CTNNA1: variants seen among roughly 807,000 people sequenced by gnomAD.
CTNNA1 encodes catenin alpha 1.
CTNNA1 carries 37 observed loss-of-function variants against 98.4 expected under a neutral mutation model. That is an observed-to-expected ratio of 0.38 (90% CI 0.29 to 0.49). CTNNA1 has a LOEUF of 0.49. Ranked by LOEUF, CTNNA1 falls within the 20% of genes least tolerant of loss-of-function variation. CTNNA1 has a pLI of 0.95. For synonymous variants in CTNNA1, 404 were observed against 413.2 expected, an observed-to-expected ratio of 0.98 and a Z score of 0.27; for missense variants, 761 against 1,147.2, an observed-to-expected ratio of 0.66 and a Z score of 4.86.
chr5:138,793,743 G>A (rs1279063705), intron 3 of CTNNA1, among the ~76,000 whole-genome samples: 2 of 152,206 alleles, frequency 1.3e-5, no homozygotes, highest in Admixed American at 6.5e-5. Context: ...CAGGAAGTAA[G>A]TGCCTCTCTT....
intron 10 of CTNNA1, among the ~76,000 whole-genome samples, chr5:138,913,638 T>C (rs1381881304): frequency 6.6e-6 from 1 of 152,166 alleles, no homozygotes; most frequent in African/African-American, 2.4e-5. Context: ...TAATTTGCAT[T>C]GGAGTATGTG....
Position 138,814,707 on chromosome 5 carries a change from A to T in CTNNA1, c.588+2405A>T, listed in dbSNP as rs149780892. 1.6e-4 allele frequency among the ~76,000 whole-genome samples: 25 copies of T among 152,320 alleles called. No homozygotes were observed. The East Asian group carries it at 4.8e-3, about 29-fold the overall frequency. On this transcript the variant is annotated intron_variant, in intron 5 of 17. Coordinates refer to ENST00000302763, the MANE Select transcript of CTNNA1 (RefSeq NM_001903.5). Reference sequence around the variant, plus strand: ...AGACAAAATAAACATTAAGATTGCCACTATTGTGCATCATTGCAAAATGGC... The same window carrying T: ...AGACAAAATAAACATTAAGATTGCCTCTATTGTGCATCATTGCAAAATGGC...
At position 138,929,320 on chromosome 5, in the gene CTNNA1, A is replaced by G. The variant is rs372570632; in HGVS notation, c.1974A>G (p.Thr658=). Residue 658 remains threonine (T), a synonymous_variant, in exon 14 of 18, where the codon ACA becomes ACG. Transcript: ENST00000302763. ...TCAGAAGCAGGACGAGCGTCCAGACAGAAGACGATCAGCTGATAGCTGGCC... is the reference window on the plus strand; with the variant it reads ...TCAGAAGCAGGACGAGCGTCCAGACGGAAGACGATCAGCTGATAGCTGGCC... The part of the protein sequence containing the change: ...FDVRSRTSVQ[T]EDDQLIAGQS... The G allele has an allele frequency of 6.2e-6, 10 of 1,611,334 alleles. No homozygotes were observed. Among genetic ancestry groups the G allele is most frequent in the Non-Finnish European group, 8.5e-6 (10 of 1,177,542 alleles).
chr5:138,816,132 C>A (rs1196122609), intron 5 of CTNNA1, among the ~76,000 whole-genome samples: 2 of 152,240 alleles, frequency 1.3e-5, no homozygotes, highest in African/African-American at 4.8e-5. Flanking sequence ...TAAGTGAGAA[C>A]ATGTGGTATT....
intron 3 of CTNNA1, among the ~76,000 whole-genome samples, chr5:138,804,542 G>C (rs1396093393): frequency 1.3e-5 from 2 of 152,162 alleles, no homozygotes; most frequent in African/African-American, 4.8e-5. Context: ...GGCAAATGGC[G>C]ATTTCATATA....
At chr5:138,757,836 AATG>A (rs1379646300) in intron 1 of CTNNA1, among the ~76,000 whole-genome samples, 1 of 152,076 alleles carries the variant, frequency 6.6e-6, no homozygotes, top group Admixed American at 6.6e-5. Context: ...TTGTGGATGG[AATG>A]ATAACAGATG....
At chr5:138,841,181 G>A (rs1441479390) in intron 7 of CTNNA1, among the ~76,000 whole-genome samples, 3 of 152,158 alleles carry the variant, frequency 2.0e-5, no homozygotes, top group Non-Finnish European at 4.4e-5. Flanking sequence ...CATATCTGAT[G>A]ACTGCTAATG....
At chr5:138,901,199 C>A (rs1235033457) in intron 9 of CTNNA1, among the ~76,000 whole-genome samples, 5 of 152,056 alleles carry the variant, frequency 3.3e-5, no homozygotes, top group Non-Finnish European at 7.4e-5. Flanking sequence ...GCTCTGTTGT[C>A]CAGGCTGGAG....
Position 138,934,010 on chromosome 5 carries a change from A to G in CTNNA1, c.2642A>G (p.Lys881Arg), listed in dbSNP as rs1766009252. 6.2e-7 allele frequency: 1 copy of G among 1,614,152 alleles called. No homozygotes were observed. Among genetic ancestry groups the G allele is most frequent in the Non-Finnish European group, 8.5e-7 (1 of 1,180,006 alleles). The part of the protein sequence containing the change: ...KREKQDETQT[K>R]IKRASQKKHV... Reference sequence around the variant, plus strand: ...GAGAAACAGGATGAGACACAGACCAAGATTAAACGGGCATCTCAGAAGAAG... The same window carrying G: ...GAGAAACAGGATGAGACACAGACCAGGATTAAACGGGCATCTCAGAAGAAG... Residue 881 changes from lysine to arginine, a missense_variant, in exon 18 of 18, where the codon AAG becomes AGG. Physicochemically the swap from Lys to Arg is conservative, Grantham distance 26 (BLOSUM62 2). This residue lies in a region of CTNNA1 where 57 missense variants were observed against 90.9 expected (regional missense o/e 0.63). Coordinates refer to ENST00000302763, the MANE Select transcript of CTNNA1 (RefSeq NM_001903.5).
rs773235871 is a variant in CTNNA1, at chr5:138,783,363, C to T, written c.292C>T (p.Arg98Ter). The change falls in exon 3 of 18, where the codon CGA becomes TGA. Residue 98 changes from arginine (R) to a stop codon, truncating the protein, a stop_gained. Coordinates refer to ENST00000302763, the MANE Select transcript of CTNNA1 (RefSeq NM_001903.5). LOFTEE classifies it high-confidence loss of function. ...EELVAAVEDV[R>*]KQGDLMKAAA... is the part of the protein sequence containing the mutation. Reference sequence around the variant, plus strand: ...GCTTGTGGCTGCTGTAGAAGATGTTCGAAAACAAGGTAGGTCATTACTGCT... The same window carrying T: ...GCTTGTGGCTGCTGTAGAAGATGTTTGAAAACAAGGTAGGTCATTACTGCT... 1 of 1,612,358 alleles carries T rather than the reference C, an allele frequency of 6.2e-7. No homozygotes were observed. The highest frequency in any genetic ancestry group is 8.5e-7 in the Non-Finnish European group (1 of 1,178,906).
intron 17 of CTNNA1, among the ~76,000 whole-genome samples, chr5:138,933,570 G>T (rs767110619): frequency 5.3e-5 from 8 of 152,206 alleles, no homozygotes; most frequent in Non-Finnish European, 8.8e-5. Context: ...AGCAAGGCGA[G>T]GTTGCCTCAT....
chr5:138,796,249 G>C (rs1340054620), intron 3 of CTNNA1, among the ~76,000 whole-genome samples: 1 of 152,182 alleles, frequency 6.6e-6, no homozygotes, highest in African/African-American at 2.4e-5. Context: ...AAGACTGAAG[G>C]CTCCTATTGT....
At chr5:138,839,199 A>G (rs899510108) in intron 7 of CTNNA1, among the ~76,000 whole-genome samples, 2 of 152,116 alleles carry the variant, frequency 1.3e-5, no homozygotes, top group Non-Finnish European at 2.9e-5. Context: ...TTTGCACTTG[A>G]CAAATAATAT....
At chr5:138,800,504 G>A (rs1232018270) in intron 3 of CTNNA1, among the ~76,000 whole-genome samples, 1 of 152,092 alleles carries the variant, frequency 6.6e-6, no homozygotes, top group Non-Finnish European at 1.5e-5. Context: ...ATTAAAAAGT[G>A]CAGCAGAAGG....
chr5:138,829,752 G>A (rs1761075872), intron 7 of CTNNA1, among the ~76,000 whole-genome samples: 1 of 152,140 alleles, frequency 6.6e-6, no homozygotes, highest in Non-Finnish European at 1.5e-5. Flanking sequence ...TTATGGTAGG[G>A]ATCTTGAAAG....
chr5:138,828,464 A>G (rs1157642483), intron 7 of CTNNA1, among the ~76,000 whole-genome samples: 2 of 151,392 alleles, frequency 1.3e-5, no homozygotes, highest in East Asian at 1.9e-4. Flanking sequence ...TACTTCTTCT[A>G]TTCTGGTTAT....
intron 11 of CTNNA1, among the ~76,000 whole-genome samples, chr5:138,920,956 C>T (rs752256129): frequency 1.3e-5 from 2 of 151,912 alleles, no homozygotes; most frequent in African/African-American, 4.8e-5. Flanking sequence ...GGCTGTAGGG[C>T]GGGGGGAACT....
At chr5:138,865,920 C>G (rs1207357662) in intron 7 of CTNNA1, among the ~76,000 whole-genome samples, 1 of 152,136 alleles carries the variant, frequency 6.6e-6, no homozygotes, top group East Asian at 1.9e-4. Flanking sequence ...CAGTTGCCCT[C>G]CATGTATTTG....
chr5:138,809,362 T>C (rs544090600), intron 3 of CTNNA1, among the ~76,000 whole-genome samples: 1 of 152,330 alleles, frequency 6.6e-6, no homozygotes, highest in African/African-American at 2.4e-5. Context: ...CTTTCCTCTG[T>C]ATTTAAAAAG....
Sources: gnomAD v4.1 joint callset for allele counts (sites outside exome capture counted in the v4.1 genomes callset) on GRCh38, gnomAD v4.1.1 for gene constraint, gnomAD v4.1.1 regional missense constraint, MANE v1.5 for transcripts, NCBI Gene and HGNC (gene_info 2026-07-23, HGNC 2026-07-21) for gene names.